NFYC: variants seen among roughly 807,000 people sequenced by gnomAD.
NFYC encodes CAAT box DNA-binding protein subunit C.
In NFYC, 25 loss-of-function variants were observed where a neutral mutation model predicts 53.1. That is an observed-to-expected ratio of 0.47 (90% CI 0.34 to 0.66). The LOEUF is 0.66. NFYC is among the 30% of genes least tolerant of loss of function. The probability of loss-of-function intolerance (pLI) is 0.01; values close to 1 mark genes in which losing one functional copy is unlikely to be tolerated. For synonymous variants in NFYC, 145 were observed against 152.6 expected, an observed-to-expected ratio of 0.95 and a Z score of 0.37; for missense variants, 260 against 422.7, an observed-to-expected ratio of 0.62 and a Z score of 3.38.
intron 1 of NFYC, among the ~76,000 whole-genome samples, chr1:40,701,821 T>G (rs192427073): frequency 1.3e-5 from 2 of 152,346 alleles, no homozygotes; most frequent in African/African-American, 4.8e-5. Flanking sequence ...TCCTAAGCCC[T>G]AAAACCTTGC....
At chr1:40,696,697 T>G (rs1643165461) in intron 1 of NFYC, among the ~76,000 whole-genome samples, 1 of 152,234 alleles carries the variant, frequency 6.6e-6, no homozygotes, top group South Asian at 2.1e-4. Flanking sequence ...GGGTCACAAA[T>G]GACCTTCTTA....
intron 1 of NFYC, among the ~76,000 whole-genome samples, chr1:40,729,908 TC>T (rs1446996367): frequency 6.6e-6 from 1 of 152,168 alleles, no homozygotes; most frequent in Non-Finnish European, 1.5e-5. Flanking sequence ...ACTCCTGACC[TC>T]AGGTGATCCA....
intron 1 of NFYC, among the ~76,000 whole-genome samples, chr1:40,714,143 T>C (rs955117861): frequency 1.2e-4 from 18 of 152,186 alleles, no homozygotes; most frequent in Non-Finnish European, 4.4e-5. Context: ...TGTTTTTTTG[T>C]TATTATATTT....
chr1:40,702,198 C>T lies in NFYC; in HGVS notation c.-9+10331C>T, dbSNP rs74888385. ...ACAAATAATTCAGAATTTGTCATCT[C>T]CTTAAGGTCCATTTATTAGTTTATT... On this transcript the variant is annotated intron_variant, in intron 1 of 9. Transcript: ENST00000447388. Among the ~76,000 whole-genome samples the T allele has an allele frequency of 3.2e-3, 485 of 152,262 alleles. 13 individuals are homozygous for T. In the East Asian group the frequency reaches 0.066, roughly 21 times the overall value.
chr1:40,753,889 G>A (rs113533814), intron 5 of NFYC, among the ~76,000 whole-genome samples: 9 of 152,230 alleles, frequency 5.9e-5, no homozygotes, highest in Non-Finnish European at 1.0e-4. Flanking sequence ...GAATATGAAC[G>A]TCTGCCTTCC....
chr1:40,756,502 A>T (rs1398599994), intron 5 of NFYC, among the ~76,000 whole-genome samples: 1 of 152,186 alleles, frequency 6.6e-6, no homozygotes, highest in Non-Finnish European at 1.5e-5. Flanking sequence ...TAACCATGTC[A>T]TGCAGAGACC....
At chr1:40,702,373 CTCTT>C (rs1372266836) in intron 1 of NFYC, among the ~76,000 whole-genome samples, 3 of 138,414 alleles carry the variant, frequency 2.2e-5, no homozygotes, top group African/African-American at 8.1e-5. Flanking sequence ...GAGGGAGTCT[CTCTT>C]TGTCACCCAG....
rs145651199 is a variant in NFYC at position 40,762,969 on chromosome 1, G to A, written c.643G>A (p.Ala215Thr). Reference protein sequence around the residue: ...QAQPQGQAQQAQSGTGQTMQV... With the variant: ...QAQPQGQAQQTQSGTGQTMQV... Reference sequence around the variant, plus strand: ...TCAGCCACAGGGTCAAGCCCAACAGGCCCAGAGTGGCACTGGACAGACCAT... The same window carrying A: ...TCAGCCACAGGGTCAAGCCCAACAGACCCAGAGTGGCACTGGACAGACCAT... Residue 215 changes from alanine (A) to threonine (T), a missense_variant, in exon 7 of 10, where the codon GCC becomes ACC. By Grantham distance (58) the Ala-to-Thr change is moderately conservative. Transcript: ENST00000447388. 2 of 1,611,990 alleles carry A rather than the reference G, an allele frequency of 1.2e-6. No homozygotes were observed. Among genetic ancestry groups the A allele is most frequent in the East Asian group, 2.2e-5 (1 of 44,700 alleles).
At position 40,766,610 on chromosome 1, in the gene NFYC, C is replaced by T. The variant is rs764583159; in HGVS notation, c.735C>T (p.Ala245=). 95 of 1,613,772 alleles carry T rather than the reference C, an allele frequency of 5.9e-5. No homozygotes were observed. The highest frequency in any genetic ancestry group is 1.6e-4 in the Middle Eastern group (1 of 6,084). ...EIQQIPVQLN[A]GQLQYIRLAQ... ...CCCTGCCCTAGGTGCAGCTGAATGC[C>T]GGCCAGCTGCAGTATATCCGCTTAG... is the stretch of plus-strand genomic sequence containing the variant. The change falls in exon 8 of 10, where the codon GCC becomes GCT. Residue 245 remains alanine (A), a synonymous_variant. Coordinates refer to ENST00000447388, the MANE Select transcript of NFYC (RefSeq NM_014223.5).
chr1:40,743,841 C>T (rs1176029502), intron 2 of NFYC, among the ~76,000 whole-genome samples: 1 of 152,160 alleles, frequency 6.6e-6, no homozygotes, highest in Non-Finnish European at 1.5e-5. Context: ...AGGAACGGAA[C>T]CTGGGATTCT....
Position 40,770,333 on chromosome 1 carries a change from G to C in NFYC, c.889-376G>C. On this transcript the variant is annotated intron_variant, in intron 9 of 9. Transcript: ENST00000447388. The surrounding 1 kb of genome is among the most constrained non-coding windows in gnomAD (Gnocchi z 5.3). ...CCCCTGCCAGTGTAGATTACCAAGAGTTGGGGAAATGCTGACTTCCAAGCT... is the reference window on the plus strand; with the variant it reads ...CCCCTGCCAGTGTAGATTACCAAGACTTGGGGAAATGCTGACTTCCAAGCT... The C allele has an allele frequency of 1.4e-6, 2 of 1,461,230 alleles. No homozygotes were observed. Among genetic ancestry groups the C allele is most frequent in the Non-Finnish European group, 1.8e-6 (2 of 1,083,444 alleles). 90.5% of individuals were successfully genotyped at this position (1,461,230 alleles called of 1,614,324 possible).
chr1:40,708,874 T>C lies in NFYC; in HGVS notation c.-9+17007T>C, dbSNP rs1438976568. Among the ~76,000 whole-genome samples the C allele has an allele frequency of 8.5e-5, 13 of 152,222 alleles. No homozygotes were observed. The East Asian group carries it at 9.6e-4, about 11-fold the overall frequency. Reference sequence around the variant, plus strand: ...ACTTTCCGACCTTGTGCACATTGCTTCTCTGGTCTATTGCCATAGGATACC... The same window carrying C: ...ACTTTCCGACCTTGTGCACATTGCTCCTCTGGTCTATTGCCATAGGATACC... On this transcript the variant is annotated intron_variant, in intron 1 of 9. Coordinates refer to ENST00000447388, the MANE Select transcript of NFYC (RefSeq NM_014223.5).
chr1:40,714,924 C>G (rs923863120), intron 1 of NFYC, among the ~76,000 whole-genome samples: 1 of 151,514 alleles, frequency 6.6e-6, no homozygotes, highest in Non-Finnish European at 1.5e-5. Flanking sequence ...ACTAAAAATA[C>G]AAAAAATTAG....
At chr1:40,696,039 T>G (rs907532003) in intron 1 of NFYC, among the ~76,000 whole-genome samples, 7 of 150,758 alleles carry the variant, frequency 4.6e-5, no homozygotes, top group Non-Finnish European at 5.9e-5. Flanking sequence ...TTTTTTTTTT[T>G]TGAGATAGAG....
intron 1 of NFYC, among the ~76,000 whole-genome samples, chr1:40,738,084 A>G (rs1372333711): frequency 6.6e-6 from 1 of 151,882 alleles, no homozygotes; most frequent in African/African-American, 2.4e-5. Context: ...TTGTATTTTT[A>G]GTAGAGACGG....
intron 8 of NFYC, 115 bp from the exon 9 acceptor site, chr1:40,769,241 C>A: frequency 9.8e-7 from 1 of 1,022,272 alleles, no homozygotes. Context: ...TGAGCACCTG[C>A]TGGGCACTTT....
intron 1 of NFYC, among the ~76,000 whole-genome samples, chr1:40,728,880 C>T (rs868401213): frequency 3.3e-5 from 5 of 152,294 alleles, no homozygotes; most frequent in East Asian, 1.9e-4. Flanking sequence ...TCAGGTTATC[C>T]GCCCGCCTTG....
At chr1:40,717,538 C>T (rs182757984) in intron 1 of NFYC, among the ~76,000 whole-genome samples, 1 of 152,234 alleles carries the variant, frequency 6.6e-6, no homozygotes, top group East Asian at 1.9e-4. Context: ...TAAATGAGGG[C>T]ATCATTATCA....
intron 1 of NFYC, among the ~76,000 whole-genome samples, chr1:40,709,081 C>T (rs1643855729): frequency 6.6e-6 from 1 of 152,200 alleles, no homozygotes; most frequent in African/African-American, 2.4e-5. Flanking sequence ...GCACATGATG[C>T]CCTAGTGCAG....
Sources: allele counts gnomAD v4.1 joint callset (sites outside exome capture counted in the v4.1 genomes callset), GRCh38; gene constraint gnomAD v4.1.1; non-coding constraint Gnocchi (gnomAD v3.1); transcripts MANE v1.5; gene names NCBI Gene and HGNC (gene_info 2026-07-23, HGNC 2026-07-21).